MAST2: variants seen among roughly 807,000 people sequenced by gnomAD.
MAST2 encodes microtubule associated serine/threonine kinase 2.
MAST2 carries 70 observed loss-of-function variants against 147.4 expected under a neutral mutation model. The ratio of observed to expected loss-of-function variants is 0.47; its 90% CI spans 0.39 to 0.58. The LOEUF is 0.58. MAST2 is among the 20% of genes least tolerant of loss of function. The pLI is 0.00. For missense variants in MAST2, 2,080 were observed against 2,302.3 expected (o/e 0.90, Z 1.98); for synonymous variants, 869 against 896.8 (o/e 0.97, Z 0.55).
At chr1:45,905,732 C>T (rs1239275712) in intron 4 of MAST2, among the ~76,000 whole-genome samples, 4 of 151,278 alleles carry the variant, frequency 2.6e-5, no homozygotes, top group Admixed American at 6.6e-5. Context: ...GCTGAGATCG[C>T]GCCACTGCAC....
At chr1:45,897,535 C>T (rs970602718) in intron 4 of MAST2, among the ~76,000 whole-genome samples, 4 of 152,052 alleles carry the variant, frequency 2.6e-5, no homozygotes, top group African/African-American at 9.7e-5. Flanking sequence ...ATAGGCTAGG[C>T]GAAGTGGTCA....
chr1:45,943,795 A>G (rs746471403), intron 4 of MAST2, among the ~76,000 whole-genome samples: 2 of 152,196 alleles, frequency 1.3e-5, no homozygotes, highest in African/African-American at 4.8e-5. Context: ...CTTTAAAGAT[A>G]ATAATGCACT....
At chr1:46,032,474 C>T (rs1646710919) in intron 25 of MAST2, 70 bp downstream of exon 25, 4 of 1,599,546 alleles carry the variant, frequency 2.5e-6, no homozygotes, top group Non-Finnish European at 3.4e-6. Context: ...TTGTGGAGCC[C>T]ATCTGTCCCT....
At chr1:45,970,667 C>CAAAAAAAAAAA (rs754544108) in intron 5 of MAST2, among the ~76,000 whole-genome samples, 4 of 72,398 alleles carry the variant, frequency 5.5e-5, no homozygotes, top group African/African-American at 5.9e-5. Context: ...GACTCTGTCT[C>CAAAAAAAAAAA]AAAAAAAAAA....
intron 4 of MAST2, among the ~76,000 whole-genome samples, chr1:45,944,842 C>T (rs1374912533): frequency 1.3e-5 from 2 of 152,188 alleles, no homozygotes; most frequent in Non-Finnish European, 2.9e-5. Context: ...TTCTGTGCCA[C>T]GACTGCCTGT....
At chr1:45,811,316 CA>C (rs1222036158) in intron 1 of MAST2, among the ~76,000 whole-genome samples, 5 of 150,104 alleles carry the variant, frequency 3.3e-5, no homozygotes, top group Non-Finnish European at 7.4e-5. Context: ...CCACCACGCC[CA>C]GCTAATTTTT....
chr1:46,031,498 G>T lies in MAST2; in HGVS notation c.3100G>T (p.Asp1034Tyr). The T allele has an allele frequency of 6.2e-7, 1 of 1,614,172 alleles. No individual in the cohort carries two copies. The change falls in exon 24 of 29, where the codon GAC (aspartate) becomes TAC (tyrosine). Residue 1034 changes from aspartate to tyrosine, a missense_variant. This residue lies in a region of MAST2 where 1,278 missense variants were observed against 1,304.2 expected (regional missense o/e 0.98). Transcript: ENST00000361297. The surrounding 1 kb of genome is among the most constrained non-coding windows in gnomAD (Gnocchi z 4.1). ...RRARHRLLSG[D>Y]STEKRTARPV... ...GGCCCGCCACCGGCTGCTCTCTGGG[G>T]ACTCAACAGAGAAGCGCACTGCTCG... is the stretch of plus-strand genomic sequence containing the variant.
intron 1 of MAST2, among the ~76,000 whole-genome samples, chr1:45,805,080 C>G (rs1330550424): frequency 1.4e-5 from 2 of 143,596 alleles, no homozygotes; most frequent in African/African-American, 5.2e-5. Context: ...GACGAAGTCT[C>G]GCTCTGTCGC....
chr1:45,924,820 A>T lies in MAST2; in HGVS notation c.501-34566A>T, dbSNP rs116094742. 9.9e-4 allele frequency among the ~76,000 whole-genome samples: 150 copies of T among 152,282 alleles called. 1 individual carries two copies. The highest frequency in any genetic ancestry group is 3.5e-3 in the African/African-American group (147 of 41,570). On this transcript the variant is annotated intron_variant, in intron 4 of 28. Transcript: ENST00000361297. ...CAGTATGACTTGTGTCCTTACGAGA[A>T]GAGGGGATTAGGACACAGACAAGCA...
chr1:45,908,487 A>G (rs7526678), intron 4 of MAST2, among the ~76,000 whole-genome samples: 67,682 of 152,014 alleles, frequency 0.45, 15,277 homozygotes, highest in East Asian at 0.63. Context: ...TGTCTTTATT[A>G]TAGTGTAATT....
chr1:45,804,565 T>G (rs1488646212), intron 1 of MAST2, among the ~76,000 whole-genome samples: 1 of 152,152 alleles, frequency 6.6e-6, no homozygotes, highest in Non-Finnish European at 1.5e-5. Context: ...TTGTTAAGGC[T>G]CTCTTTACCA....
At chr1:45,890,648 G>T (rs1048223542) in intron 4 of MAST2, among the ~76,000 whole-genome samples, 2 of 152,148 alleles carry the variant, frequency 1.3e-5, no homozygotes, top group Non-Finnish European at 2.9e-5. Flanking sequence ...CAGATTGGGG[G>T]TAAAAGCTTT....
intron 3 of MAST2, among the ~76,000 whole-genome samples, chr1:45,855,704 T>G (rs1645766434): frequency 6.6e-6 from 1 of 152,198 alleles, no homozygotes; most frequent in Admixed American, 6.5e-5. Context: ...GTGCCGATCT[T>G]GTATCCGGTG....
At chr1:45,871,220 C>CT (rs34995725) in intron 3 of MAST2, among the ~76,000 whole-genome samples, 49,603 of 147,622 alleles carry the variant, frequency 0.34, 8,452 homozygotes, top group African/African-American at 0.42. Context: ...TTACTGTCCC[C>CT]TTTTTTTTTT....
chr1:45,907,463 C>CT (rs59039717), intron 4 of MAST2, among the ~76,000 whole-genome samples: 1,581 of 140,874 alleles, frequency 0.011, 23 homozygotes, highest in Middle Eastern at 0.037. Context: ...GCCATTTTAA[C>CT]TTTTTTTTTT....
Position 45,957,992 on chromosome 1 carries a change from G to A in MAST2, c.501-1394G>A, listed in dbSNP as rs143059952. 7.4e-3 allele frequency among the ~76,000 whole-genome samples: 1,122 copies of A among 152,226 alleles called. 16 individuals carry two copies. Among genetic ancestry groups the A allele is most frequent in the African/African-American group, 0.026 (1,059 of 41,506 alleles). On this transcript the variant is annotated intron_variant, in intron 4 of 28. Coordinates refer to ENST00000361297, the MANE Select transcript of MAST2 (RefSeq NM_015112.3). ...AAAGCAGACACTCAGAAGAGAAATT[G>A]GGGATATAGGCAGTTTGCTGATGAC...
intron 3 of MAST2, among the ~76,000 whole-genome samples, chr1:45,874,715 A>G (rs1646528395): frequency 6.6e-6 from 1 of 152,214 alleles, no homozygotes; most frequent in Non-Finnish European, 1.5e-5. Context: ...GGTGCCAGGA[A>G]TGTCCTTGAG....
chr1:45,923,557 G>C (rs1205232180), intron 4 of MAST2, among the ~76,000 whole-genome samples: 1 of 152,144 alleles, frequency 6.6e-6, no homozygotes, highest in Non-Finnish European at 1.5e-5. Context: ...GGAAGCGAGG[G>C]TGCAGAGAGA....
At position 45,811,338 on chromosome 1, in the gene MAST2, A is replaced by ATTTT. The variant is rs57495413; in HGVS notation, c.177+7281_177+7284dup. Reference sequence around the variant, plus strand: ...GCCCAGCTAATTTTTGTATTTTTGTATTTTTTTTTTTTTTTTTTGAGACGG... The same window carrying ATTTT: ...GCCCAGCTAATTTTTGTATTTTTGTATTTTTTTTTTTTTTTTTTTTTTGAGACGG... On this transcript the variant is annotated intron_variant, in intron 1 of 28. Transcript: ENST00000361297. Among the ~76,000 whole-genome samples the ATTTT allele has an allele frequency of 1.4e-4, 16 of 113,002 alleles. 1 individual carries two copies. Among genetic ancestry groups the ATTTT allele is most frequent in the Admixed American group, 3.0e-4 (3 of 9,966 alleles). 74.1% of individuals were successfully genotyped at this position (113,002 alleles called of 152,430 possible).
Sources: allele counts gnomAD v4.1 joint callset (sites outside exome capture counted in the v4.1 genomes callset), GRCh38; gene constraint gnomAD v4.1.1; regional missense constraint gnomAD v4.1.1; non-coding constraint Gnocchi (gnomAD v3.1); transcripts MANE v1.5; gene names NCBI Gene and HGNC (gene_info 2026-07-23, HGNC 2026-07-21).